Variants in KYNU observed in about 807,000 individuals in gnomAD.
KYNU encodes L-kynurenine hydrolase.
A neutral mutation model predicts 59.2 loss-of-function variants in KYNU; 54 were observed. The observed-to-expected ratio is 0.91, with a 90% CI of 0.73 to 1.14. The LOEUF (loss-of-function observed/expected upper bound fraction) is 1.14, where lower values mean the gene tolerates loss of function less well. Among genes scored for constraint, KYNU ranks in the 50% most tolerant of loss-of-function variants. The pLI is 0.00. For synonymous variants in KYNU, 177 were observed against 192.0 expected, an observed-to-expected ratio of 0.92 and a Z score of 0.65; for missense variants, 567 against 554.4, an observed-to-expected ratio of 1.02 and a Z score of -0.23.
chr2:142,899,058 G>T (rs1016871995), intron 2 of KYNU, among the ~76,000 whole-genome samples: 8 of 152,176 alleles, frequency 5.3e-5, no homozygotes, highest in Non-Finnish European at 1.5e-5. Context: ...AGCAGTGGTG[G>T]ACCCGGGTGG....
intron 10 of KYNU, among the ~76,000 whole-genome samples, chr2:143,015,289 T>C (rs1347227644): frequency 6.6e-6 from 1 of 152,116 alleles, no homozygotes; most frequent in Non-Finnish European, 1.5e-5. Flanking sequence ...TCTTTTAAGA[T>C]CAAACAGTTC....
At chr2:142,951,512 T>C (rs1683988592) in intron 4 of KYNU, among the ~76,000 whole-genome samples, 1 of 152,080 alleles carries the variant, frequency 6.6e-6, no homozygotes, top group African/African-American at 2.4e-5. Context: ...AGTGACAAAA[T>C]AAGACAAAAA....
chr2:142,906,601 C>G (rs750538948), intron 2 of KYNU, among the ~76,000 whole-genome samples: 2 of 152,018 alleles, frequency 1.3e-5, no homozygotes, highest in African/African-American at 4.8e-5. Context: ...ATACAACCTA[C>G]TCTAATACTT....
intron 8 of KYNU, among the ~76,000 whole-genome samples, chr2:142,974,535 T>C (rs1056584075): frequency 4.6e-5 from 7 of 152,216 alleles, no homozygotes; most frequent in African/African-American, 1.7e-4. Flanking sequence ...TGAGAAGCTG[T>C]CATTTCCCCC....
At chr2:142,999,434 TA>T (rs1685646783) in intron 10 of KYNU, among the ~76,000 whole-genome samples, 1 of 152,096 alleles carries the variant, frequency 6.6e-6, no homozygotes, top group Non-Finnish European at 1.5e-5. Context: ...TTAAAACAAC[TA>T]AAAGAACCTA....
Position 143,047,852 on chromosome 2 carries a change from C to CTTTTTTTTTTTTTTTTTTTTTTTTTTT in KYNU, c.*5706_*5707insTTTTTTTTTTTTTTTTTTTTTTTTTTT, listed in dbSNP as rs61229238. 1 of 100,336 alleles carries CTTTTTTTTTTTTTTTTTTTTTTTTTTT rather than the reference C, an allele frequency of 1.0e-5. No homozygotes were observed. Among genetic ancestry groups the CTTTTTTTTTTTTTTTTTTTTTTTTTTT allele is most frequent in the African/African-American group, 4.3e-5 (1 of 23,330 alleles). The allele number at this position is 100,336 out of a possible 1,614,324, so 6.2% of individuals were successfully genotyped here. A position where few individuals can be genotyped will look rare whatever the true frequency, so the allele number is the denominator to read the frequency against. On this transcript the variant is annotated 3_prime_UTR_variant, in exon 14 of 14. Transcript: ENST00000264170. The stretch of plus-strand genomic sequence containing the variant: ...GGCATAAGCTGCCACTCCTGGACCT[C>CTTTTTTTTTTTTTTTTTTTTTTTTTTT]TTTTTTTTTTTTTTTTTTTTTTTTT...
At chr2:142,882,244 CT>C (rs1379761309) in intron 1 of KYNU, among the ~76,000 whole-genome samples, 1 of 152,190 alleles carries the variant, frequency 6.6e-6, no homozygotes, top group African/African-American at 2.4e-5. Flanking sequence ...ACTCTTCTCT[CT>C]ACCTTTGCCC....
chr2:142,988,940 G>C lies in KYNU; in HGVS notation c.902+2919G>C, dbSNP rs925009345. On this transcript the variant is annotated intron_variant, in intron 10 of 13. Transcript: ENST00000264170. The stretch of plus-strand genomic sequence containing the variant: ...GTCATCACTTCATTGTCCCTGATAG[G>C]AAAAGAAATGTTTTGCTGAAACTTA... 6 of 1,482,392 alleles carry C rather than the reference G, an allele frequency of 4.0e-6. No individual in the cohort carries two copies. The African/African-American group carries it at 7.0e-5, about 17-fold the overall frequency. 91.8% of individuals were successfully genotyped at this position (1,482,392 alleles called of 1,614,324 possible). A position where few individuals can be genotyped will look rare whatever the true frequency, so the allele number is the denominator to read the frequency against.
chr2:142,957,850 G>C, intron 7 of KYNU, 135 bp downstream of exon 7: 1 of 643,790 alleles, frequency 1.6e-6, no homozygotes, highest in South Asian at 1.8e-5. Context: ...CTATACTTCT[G>C]TTACTATTAG....
chr2:143,012,496 A>C (rs1310973661), intron 10 of KYNU, among the ~76,000 whole-genome samples: 2 of 151,892 alleles, frequency 1.3e-5, no homozygotes, highest in African/African-American at 4.8e-5. Context: ...AAAACAAAAA[A>C]AAAAAAAAAG....
chr2:142,931,186 A>G (rs1683202594), intron 4 of KYNU, among the ~76,000 whole-genome samples: 1 of 152,194 alleles, frequency 6.6e-6, no homozygotes, highest in South Asian at 2.1e-4. Flanking sequence ...ACTGGGCCTG[A>G]GAAGGAAGGA....
chr2:142,963,666 GAGACCAACATTT>G (rs1214406027), intron 8 of KYNU, among the ~76,000 whole-genome samples: 5 of 152,234 alleles, frequency 3.3e-5, no homozygotes, highest in African/African-American at 1.2e-4. Context: ...GGGGTCTGGG[GAGACCAACATTT>G]AGACCGTAGC....
intron 10 of KYNU, among the ~76,000 whole-genome samples, chr2:143,006,535 A>C (rs10200188): frequency 0.98 from 74,806 of 76,264 alleles, 36,807 homozygotes; most frequent in East Asian, 1. Flanking sequence ...CAGGAAGCTC[A>C]AACTGGGTGG....
chr2:142,892,102 C>T (rs1024169531), intron 2 of KYNU, among the ~76,000 whole-genome samples: 1 of 152,154 alleles, frequency 6.6e-6, no homozygotes, highest in Non-Finnish European at 1.5e-5. Flanking sequence ...TTGGTGGAGA[C>T]AGGGTTTCAC....
In KYNU at chr2:142,898,812, G is replaced by A. The variant is rs901229282; in HGVS notation, c.169+13276G>A. On this transcript the variant is annotated intron_variant, in intron 2 of 13. Coordinates refer to ENST00000264170, the MANE Select transcript of KYNU (RefSeq NM_003937.3). Reference sequence around the variant, plus strand: ...CCAAGAATGGAATCTTGGGCCATGCGGTGAGTGTTATAGCTCTATTAGAAG... The same window carrying A: ...CCAAGAATGGAATCTTGGGCCATGCAGTGAGTGTTATAGCTCTATTAGAAG... Among the ~76,000 whole-genome samples the A allele has an allele frequency of 7.9e-5, 12 of 152,208 alleles. No individual in the cohort carries two copies. In the East Asian group the frequency reaches 1.9e-3, roughly 25 times the overall value.
Position 143,052,302 on chromosome 2 carries a change from A to G in KYNU, c.*10130A>G, listed in dbSNP as rs529389109. 2.0e-5 allele frequency: 3 copies of G among 152,350 alleles called. No individual in the cohort carries two copies. The highest frequency in any genetic ancestry group is 2.1e-4 in the South Asian group (1 of 4,832). The allele number at this position is 152,350 out of a possible 1,614,324, so 9.4% of individuals were successfully genotyped here. A position where few individuals can be genotyped will look rare whatever the true frequency, so the allele number is the denominator to read the frequency against. On this transcript the variant is annotated 3_prime_UTR_variant, in exon 14 of 14. Transcript: ENST00000264170. ...AGTTCAGAAAATTTTCAGCCTGACA[A>G]TGCAGTAGAAAAGGAAAACCAATTT...
At position 143,054,824 on chromosome 2, in the gene KYNU, C is replaced by A. The variant is rs1174689303; in HGVS notation, c.*12652C>A. 2 of 152,146 alleles carry A rather than the reference C, an allele frequency of 1.3e-5. No individual in the cohort carries two copies. Among genetic ancestry groups the A allele is most frequent in the African/African-American group, 4.8e-5 (2 of 41,428 alleles). The allele number at this position is 152,146 out of a possible 1,614,324, so 9.4% of individuals were successfully genotyped here. A position where few individuals can be genotyped will look rare whatever the true frequency, so the allele number is the denominator to read the frequency against. On this transcript the variant is annotated 3_prime_UTR_variant, in exon 14 of 14. Transcript: ENST00000264170. ...GGAGGCAGGTAGGGAGAAGGCACTA[C>A]CCTGAATTATGAGACTGAAGAGATA... is the stretch of plus-strand genomic sequence containing the variant.
chr2:142,884,711 T>C (rs1041069667), intron 1 of KYNU, among the ~76,000 whole-genome samples: 1 of 139,684 alleles, frequency 7.2e-6, no homozygotes, highest in Non-Finnish European at 1.5e-5. Context: ...TTTTTTTTTT[T>C]TGGTTTGTGT....
chr2:142,944,365 TA>T (rs2105058328), intron 4 of KYNU, among the ~76,000 whole-genome samples: 1 of 152,282 alleles, frequency 6.6e-6, no homozygotes, highest in Non-Finnish European at 1.5e-5. Context: ...TATCTTCTGG[TA>T]AAGCAAAAAT....
Sources: gnomAD v4.1 joint callset for allele counts (sites outside exome capture counted in the v4.1 genomes callset) on GRCh38, gnomAD v4.1.1 for gene constraint, MANE v1.5 for transcripts, NCBI Gene and HGNC (gene_info 2026-07-23, HGNC 2026-07-21) for gene names.